The following ACTR3C variants were observed in gnomAD, a reference collection of about 807,000 sequenced individuals.
ACTR3C encodes actin related protein 3C.
A neutral mutation model predicts 26.3 loss-of-function variants in ACTR3C; 18 were observed. The ratio of observed to expected loss-of-function variants is 0.68; its 90% CI spans 0.47 to 1.01. The LOEUF (loss-of-function observed/expected upper bound fraction) is 1.01. Ranked by LOEUF, ACTR3C falls within the 50% of genes least tolerant of loss-of-function variation. ACTR3C has a pLI of 0.00. For missense variants in ACTR3C, 184 were observed against 250.7 expected, an observed-to-expected ratio of 0.73 and a Z score of 1.80; for synonymous variants, 55 against 94.5, an observed-to-expected ratio of 0.58 and a Z score of 2.42.
the ACTR3C span, among the ~76,000 whole-genome samples, chr7:150,008,013 T>A: frequency 6.6e-6 from 1 of 152,190 alleles, no homozygotes; most frequent in Non-Finnish European, 1.5e-5. Flanking sequence ...TCCCTAGCAT[T>A]GGCAATAATT....
intron 6 of ACTR3C, among the ~76,000 whole-genome samples, chr7:150,255,242 ATTTTTT>A (rs745713614): frequency 2.0e-3 from 168 of 85,618 alleles, no homozygotes; most frequent in African/African-American, 3.5e-3. Flanking sequence ...TTTGTAGGGG[ATTTTTT>A]TTTTTTTTTT....
the ACTR3C span, among the ~76,000 whole-genome samples, chr7:150,185,218 C>T: frequency 6.6e-6 from 1 of 151,602 alleles, no homozygotes; most frequent in African/African-American, 2.4e-5. Flanking sequence ...ACCATGGTGT[C>T]TACCACAGTG....
intron 6 of ACTR3C, among the ~76,000 whole-genome samples, chr7:150,252,364 C>T (rs55638066): frequency 0.038 from 5,731 of 152,040 alleles, 350 homozygotes; most frequent in African/African-American, 0.13. Context: ...TTATAAGGAA[C>T]ATCATATTGT....
At chr7:149,882,476 G>A in the ACTR3C span, among the ~76,000 whole-genome samples, 1 of 152,142 alleles carries the variant, frequency 6.6e-6, no homozygotes, top group African/African-American at 2.4e-5. Flanking sequence ...CCCAGGCAGG[G>A]TGGCCTTTCT....
At chr7:150,050,457 C>CAATT in the ACTR3C span, among the ~76,000 whole-genome samples, 1 of 152,144 alleles carries the variant, frequency 6.6e-6, no homozygotes, top group African/African-American at 2.4e-5. Flanking sequence ...TTTAAAATCT[C>CAATT]AAATTATCTA....
At chr7:150,135,297 T>A in the ACTR3C span, among the ~76,000 whole-genome samples, 818 of 152,232 alleles carry the variant, frequency 5.4e-3, 5 homozygotes, top group African/African-American at 0.019. Flanking sequence ...AAAAATAAAA[T>A]AAAAAGAATT....
At chr7:149,944,826 C>T in the ACTR3C span, among the ~76,000 whole-genome samples, 1 of 150,792 alleles carries the variant, frequency 6.6e-6, no homozygotes, top group Non-Finnish European at 1.5e-5. Context: ...TAGGATGCAC[C>T]AAGGCATAAA....
At chr7:150,148,135 A>C in the ACTR3C span, among the ~76,000 whole-genome samples, 2 of 142,186 alleles carry the variant, frequency 1.4e-5, no homozygotes, top group East Asian at 2.1e-4. Flanking sequence ...CTGCACATGC[A>C]CCTCTGAGCT....
At chr7:150,291,288 G>A (rs1393443679) in intron 3 of ACTR3C, among the ~76,000 whole-genome samples, 1 of 152,166 alleles carries the variant, frequency 6.6e-6, no homozygotes, top group African/African-American at 2.4e-5. Flanking sequence ...AATTAGTCAG[G>A]CATGGTGGCG....
the ACTR3C span, among the ~76,000 whole-genome samples, chr7:150,161,225 T>TATATATATATATATATATATA: frequency 7.5e-6 from 1 of 134,012 alleles, no homozygotes; most frequent in Non-Finnish European, 1.6e-5. Context: ...TATATATATA[T>TATATATATATATATATATATA]TTATTATACT....
chr7:150,042,079 T>A, the ACTR3C span, among the ~76,000 whole-genome samples: 76 of 82,694 alleles, frequency 9.2e-4, no homozygotes, highest in East Asian at 0.016. Flanking sequence ...AGGGTCTGGC[T>A]CTCAGTCCCT....
At chr7:149,922,660 A>G in the ACTR3C span, among the ~76,000 whole-genome samples, 3 of 151,410 alleles carry the variant, frequency 2.0e-5, no homozygotes, top group Admixed American at 1.3e-4. Flanking sequence ...TTTCTTCTCT[A>G]TTTTTGGTTA....
the ACTR3C span, among the ~76,000 whole-genome samples, chr7:150,171,642 TTAA>T: frequency 1.3e-5 from 2 of 150,304 alleles, no homozygotes; most frequent in South Asian, 4.2e-4. Context: ...AGGGTGGAAA[TTAA>T]TAAACTAGAA....
At chr7:150,151,735 G>A in the ACTR3C span, among the ~76,000 whole-genome samples, 1 of 98,638 alleles carries the variant, frequency 1.0e-5, no homozygotes, top group Admixed American at 1.1e-4. Flanking sequence ...GGGGACTGTT[G>A]TGGGGTGGGG....
the ACTR3C span, among the ~76,000 whole-genome samples, chr7:150,043,299 G>T: frequency 5.3e-5 from 8 of 151,282 alleles, no homozygotes; most frequent in African/African-American, 1.7e-4. Context: ...GGGAAGAGGG[G>T]CTGGCTCTCA....
chr7:149,936,013 G>C, the ACTR3C span, among the ~76,000 whole-genome samples: 1 of 152,054 alleles, frequency 6.6e-6, no homozygotes, highest in Non-Finnish European at 1.5e-5. Context: ...GCTGTCAGCG[G>C]TTTTGCATGT....
chr7:150,183,696 C>CAAAAAAAAA, the ACTR3C span, among the ~76,000 whole-genome samples: 1 of 48,034 alleles, frequency 2.1e-5, no homozygotes, highest in African/African-American at 6.9e-5. Context: ...GTGGCTATGG[C>CAAAAAAAAA]AAAAAAAAAA....
At chr7:150,260,840 T>C (rs1833584921) in intron 6 of ACTR3C, among the ~76,000 whole-genome samples, 1 of 152,250 alleles carries the variant, frequency 6.6e-6, no homozygotes, top group African/African-American at 2.4e-5. Flanking sequence ...CCCTGACTTT[T>C]CCTTTCTTCT....
the ACTR3C span, among the ~76,000 whole-genome samples, chr7:149,985,816 G>T: frequency 2.6e-5 from 4 of 152,150 alleles, no homozygotes; most frequent in African/African-American, 9.7e-5. Context: ...GCTTGAGCTC[G>T]AAGTCCCCAT....
Sources: gnomAD v4.1 joint callset for allele counts (sites outside exome capture counted in the v4.1 genomes callset) on GRCh38, gnomAD v4.1.1 for gene constraint, MANE v1.5 for transcripts, NCBI Gene and HGNC (gene_info 2026-07-23, HGNC 2026-07-21) for gene names.